TMEM131: variants seen among roughly 807,000 people sequenced by gnomAD.
TMEM131 encodes the protein transmembrane protein 131, also known as 2610524E03Rik.
In TMEM131, 66 loss-of-function variants were observed where a neutral mutation model predicts 211.6. That is an observed-to-expected ratio of 0.31 (90% CI 0.26 to 0.38). TMEM131 has a LOEUF of 0.38. TMEM131 is among the 10% of genes least tolerant of loss of function. The pLI is 1.00. For synonymous variants in TMEM131, 844 were observed against 841.3 expected, an observed-to-expected ratio of 1.00 and a Z score of -0.06; for missense variants, 2,036 against 2,299.3, an observed-to-expected ratio of 0.89 and a Z score of 2.34.
intron 25 of TMEM131, among the ~76,000 whole-genome samples, chr2:97,801,636 T>A (rs1318553323): frequency 6.6e-6 from 1 of 152,228 alleles, no homozygotes; most frequent in Non-Finnish European, 1.5e-5. Context: ...TTTCTGTAAT[T>A]ATTATTACAA....
At chr2:97,835,078 C>A (rs1194943003) in intron 8 of TMEM131, among the ~76,000 whole-genome samples, 153 bp from the exon 9 acceptor site, 1 of 152,150 alleles carries the variant, frequency 6.6e-6, no homozygotes, top group African/African-American at 2.4e-5. Context: ...ATATGTAACA[C>A]ACACTCCATT....
chr2:97,927,651 A>G (rs1003981992), intron 1 of TMEM131, among the ~76,000 whole-genome samples, 164 bp from the exon 2 acceptor site: 1 of 152,192 alleles, frequency 6.6e-6, no homozygotes, highest in Non-Finnish European at 1.5e-5. Flanking sequence ...AATTTTACAA[A>G]CTAAGAAATA....
chr2:97,956,549 GAA>G (rs1027130481), intron 1 of TMEM131, among the ~76,000 whole-genome samples: 7 of 151,038 alleles, frequency 4.6e-5, no homozygotes, highest in African/African-American at 1.7e-4. Flanking sequence ...AGTGGTAAAA[GAA>G]AAAAAAGACT....
At chr2:97,961,575 G>T (rs1262208312) in intron 1 of TMEM131, among the ~76,000 whole-genome samples, 1 of 152,184 alleles carries the variant, frequency 6.6e-6, no homozygotes, top group Non-Finnish European at 1.5e-5. Context: ...ACATGGAAAT[G>T]GAAGTAACTA....
intron 7 of TMEM131, 69 bp from the exon 8 acceptor site, chr2:97,837,226 A>C (rs768204997): frequency 1.9e-5 from 22 of 1,154,736 alleles, no homozygotes; most frequent in Non-Finnish European, 2.6e-5. Context: ...TTGCTATTAC[A>C]CAGAAATAAT....
intron 4 of TMEM131, among the ~76,000 whole-genome samples, chr2:97,876,033 T>G (rs1250556899): frequency 6.6e-6 from 1 of 152,158 alleles, no homozygotes; most frequent in Non-Finnish European, 1.5e-5. Context: ...ATATCACCAC[T>G]TATCCAACAG....
At chr2:97,790,187 A>G (rs893309454) in intron 31 of TMEM131, among the ~76,000 whole-genome samples, 2 of 152,246 alleles carry the variant, frequency 1.3e-5, no homozygotes, top group Non-Finnish European at 2.9e-5. Flanking sequence ...GGTTTTGCCC[A>G]GCTGGAAGCC....
At chr2:97,823,380 T>C (rs1444702497) in intron 11 of TMEM131, among the ~76,000 whole-genome samples, 1 of 152,204 alleles carries the variant, frequency 6.6e-6, no homozygotes, top group Non-Finnish European at 1.5e-5. Flanking sequence ...AGCTTTCAAA[T>C]GATCCTGATA....
intron 3 of TMEM131, among the ~76,000 whole-genome samples, chr2:97,899,104 T>C (rs913475950): frequency 1.3e-5 from 2 of 152,106 alleles, no homozygotes; most frequent in African/African-American, 4.8e-5. Context: ...GAATCTGGGA[T>C]TGTTGTATCT....
At chr2:97,810,458 AT>A (rs989613888) in intron 18 of TMEM131, among the ~76,000 whole-genome samples, 1 of 151,982 alleles carries the variant, frequency 6.6e-6, no homozygotes, top group East Asian at 1.9e-4. Flanking sequence ...TTATAATTAC[AT>A]TTTTTTTCCA....
At chr2:97,981,650 A>G (rs1285813123) in intron 1 of TMEM131, among the ~76,000 whole-genome samples, 3 of 152,196 alleles carry the variant, frequency 2.0e-5, no homozygotes, top group Non-Finnish European at 2.9e-5. Flanking sequence ...CAGTGTATTC[A>G]GAGTTGTTCA....
chr2:97,887,401 G>A (rs1454047292), intron 4 of TMEM131, among the ~76,000 whole-genome samples: 4 of 152,216 alleles, frequency 2.6e-5, no homozygotes, highest in South Asian at 2.1e-4. Context: ...CTGATTTCAG[G>A]TGCAGGGCCA....
intron 5 of TMEM131, among the ~76,000 whole-genome samples, chr2:97,855,338 C>G (rs920422708): frequency 4.6e-5 from 7 of 152,224 alleles, no homozygotes; most frequent in Non-Finnish European, 1.0e-4. Context: ...CCTGGCAAAT[C>G]TGTGCTTTAT....
chr2:97,765,353 C>G (rs1019456509), intron 35 of TMEM131: 8 of 152,458 alleles, frequency 5.2e-5, no homozygotes, highest in African/African-American at 1.9e-4. Context: ...TCGTCCAACT[C>G]CTTTCACCTT....
At chr2:97,954,006 A>C (rs1422051169) in intron 1 of TMEM131, among the ~76,000 whole-genome samples, 1 of 152,210 alleles carries the variant, frequency 6.6e-6, no homozygotes, top group Non-Finnish European at 1.5e-5. Flanking sequence ...GCAAAATATC[A>C]AAAAACAGTT....
intron 2 of TMEM131, among the ~76,000 whole-genome samples, chr2:97,912,460 C>G (rs1300934228): frequency 6.6e-6 from 1 of 152,114 alleles, no homozygotes; most frequent in Non-Finnish European, 1.5e-5. Context: ...ACTCAGAGCC[C>G]TAGAAAATGC....
At chr2:97,793,948 C>T (rs1397510123) in intron 29 of TMEM131, among the ~76,000 whole-genome samples, 4 of 116,066 alleles carry the variant, frequency 3.4e-5, no homozygotes, top group Non-Finnish European at 4.9e-5. Context: ...GAGCCGAGAT[C>T]GTGCCACTGC....
intron 4 of TMEM131, among the ~76,000 whole-genome samples, chr2:97,887,089 G>A (rs1186144528): frequency 6.6e-6 from 1 of 152,152 alleles, no homozygotes; most frequent in African/African-American, 2.4e-5. Context: ...TCAGGGTGGG[G>A]GTGCAGACAC....
At chr2:97,837,406 C>T (rs1682988839) in intron 7 of TMEM131, among the ~76,000 whole-genome samples, 1 of 152,048 alleles carries the variant, frequency 6.6e-6, no homozygotes, top group Admixed American at 6.6e-5. Flanking sequence ...ATAGTTGTTC[C>T]AGAGACCAGA....
Sources: gnomAD v4.1 joint callset for allele counts (sites outside exome capture counted in the v4.1 genomes callset) on GRCh38, gnomAD v4.1.1 for gene constraint, MANE v1.5 for transcripts, NCBI Gene and HGNC (gene_info 2026-07-23, HGNC 2026-07-21) for gene names.